Variants in ASB18 observed in about 807,000 individuals in gnomAD.
ASB18 encodes the protein ankyrin repeat and SOCS box containing 18.
In ASB18, 33 loss-of-function variants were observed where a neutral mutation model predicts 33.4. The observed-to-expected ratio is 0.99, with a 90% CI of 0.75 to 1.32. The LOEUF (loss-of-function observed/expected upper bound fraction) is 1.32, where lower values mean the gene tolerates loss of function less well. Among genes scored for constraint, ASB18 ranks in the 40% most tolerant of loss-of-function variants. ASB18 has a pLI of 0.00. For missense variants in ASB18, 694 were observed against 655.5 expected, an observed-to-expected ratio of 1.06 and a Z score of -0.64; for synonymous variants, 295 against 307.6, an observed-to-expected ratio of 0.96 and a Z score of 0.43.
intron 2 of ASB18, among the ~76,000 whole-genome samples, chr2:236,240,220 G>T (rs2060615227): frequency 6.6e-6 from 1 of 152,194 alleles, no homozygotes; most frequent in Non-Finnish European, 1.5e-5. Flanking sequence ...GCCCAGAAGG[G>T]GTCGGCTGCG....
Position 236,238,988 on chromosome 2 carries a change from C to G in ASB18, c.329-1032G>C, listed in dbSNP as rs1191497582. ...GCCGCCCTGAGTCCCCAAGGCCCAG[C>G]CTGGAGCTTGTTGTGCACTCAGTGG... On this transcript the variant is annotated intron_variant, in intron 2 of 5. Transcript: ENST00000409749. This position sits in a 1 kb window ranked among gnomAD's most constrained non-coding sequence, Gnocchi z 5.2. Among the ~76,000 whole-genome samples, 2 of 152,098 alleles carry G rather than the reference C, an allele frequency of 1.3e-5. No homozygotes were observed. Among genetic ancestry groups the G allele is most frequent in the Non-Finnish European group, 2.9e-5 (2 of 68,014 alleles).
At position 236,241,377 on chromosome 2, in the gene ASB18, G is replaced by A; in HGVS notation, c.231C>T (p.Leu77=). 4 of 1,613,988 alleles carry A rather than the reference G, an allele frequency of 2.5e-6. No homozygotes were observed. Among genetic ancestry groups the A allele is most frequent in the Non-Finnish European group, 3.4e-6 (4 of 1,179,868 alleles). ...LLGDLDHLKP[L]MDQFFQDANV... ...TGGCATCCTGGAAGAACTGGTCCAT[G>A]AGGGGCTTCAGATGGTCGAGGTCCC... The change falls in exon 2 of 6, where the codon CTC becomes CTT. Residue 77 remains leucine (L), a synonymous_variant. Transcript: ENST00000409749. The surrounding 1 kb of genome is among the most constrained non-coding windows in gnomAD (Gnocchi z 4.2).
intron 1 of ASB18, among the ~76,000 whole-genome samples, chr2:236,246,888 T>A (rs1197170703): frequency 3.9e-5 from 6 of 152,228 alleles, no homozygotes; most frequent in Non-Finnish European, 8.8e-5. Flanking sequence ...GACTTACTCA[T>A]GCACAGCTAT....
At chr2:236,258,455 C>T (rs1484002618) in intron 1 of ASB18, among the ~76,000 whole-genome samples, 1 of 152,208 alleles carries the variant, frequency 6.6e-6, no homozygotes, top group Non-Finnish European at 1.5e-5. Flanking sequence ...CAGTCCCTTG[C>T]CCTTCCCATT....
Position 236,194,790 on chromosome 2 carries a change from T to G in ASB18, c.*82A>C. The G allele has an allele frequency of 8.0e-7, 1 of 1,250,332 alleles. No individual in the cohort carries two copies. The highest frequency in any genetic ancestry group is 1.5e-5 in the South Asian group (1 of 66,300). The allele number at this position is 1,250,332 out of a possible 1,614,324, so 77.5% of individuals were successfully genotyped here. A position where few individuals can be genotyped will look rare whatever the true frequency, so the allele number is the denominator to read the frequency against. ...GAAGGGAACTCCCATCACCTCCATC[T>G]GCATCAGGGCACTCTCCAACACACG... On this transcript the variant is annotated 3_prime_UTR_variant, in exon 6 of 6. Coordinates refer to ENST00000409749, the MANE Select transcript of ASB18 (RefSeq NM_212556.4). This position sits in a 1 kb window ranked among gnomAD's most constrained non-coding sequence, Gnocchi z 4.5.
At position 236,211,386 on chromosome 2, in the gene ASB18, G is replaced by A. The variant is rs972218749; in HGVS notation, c.1101+2976C>T. ...ACTTTGATTCTCACTGCAGAGCACT[G>A]CGCCGGCTCGGAAGGATGCCCTGTG... On this transcript the variant is annotated intron_variant, in intron 4 of 5. Transcript: ENST00000409749. This position sits in a 1 kb window ranked among gnomAD's most constrained non-coding sequence, Gnocchi z 5.0. 3.3e-5 allele frequency among the ~76,000 whole-genome samples: 5 copies of A among 152,234 alleles called. No individual in the cohort carries two copies. Among genetic ancestry groups the A allele is most frequent in the Admixed American group, 3.3e-4 (5 of 15,286 alleles).
At position 236,262,300 on chromosome 2, in the gene ASB18, G is replaced by A. The variant is rs1228240468; in HGVS notation, c.205+1841C>T. ...CAGAAAGCAGATGGCATGAGCTCAGGGCATGCTGAAGGCAGGCCGGGTTAC... is the reference window on the plus strand; with the variant it reads ...CAGAAAGCAGATGGCATGAGCTCAGAGCATGCTGAAGGCAGGCCGGGTTAC... On this transcript the variant is annotated intron_variant, in intron 1 of 5. Transcript: ENST00000409749. This position sits in a 1 kb window ranked among gnomAD's most constrained non-coding sequence, Gnocchi z 5.2. 6.6e-6 allele frequency among the ~76,000 whole-genome samples: 1 copy of A among 152,192 alleles called. No individual in the cohort carries two copies. The highest frequency in any genetic ancestry group is 2.4e-5 in the African/African-American group (1 of 41,448).
chr2:236,213,119 A>C lies in ASB18; in HGVS notation c.1101+1243T>G, dbSNP rs2060466535. Among the ~76,000 whole-genome samples, 1 of 152,238 alleles carries C rather than the reference A, an allele frequency of 6.6e-6. No individual in the cohort carries two copies. The highest frequency in any genetic ancestry group is 2.4e-5 in the African/African-American group (1 of 41,458). On this transcript the variant is annotated intron_variant, in intron 4 of 5. Transcript: ENST00000409749. This position sits in a 1 kb window ranked among gnomAD's most constrained non-coding sequence, Gnocchi z 4.8. ...TAAAAGGTAGCTGTCACAGAACATA[A>C]AAATGCTAGCATTTCTTCCCTTTCA...
Position 236,244,313 on chromosome 2 carries a change from G to A in ASB18, c.206-2911C>T, listed in dbSNP as rs1446168390. Among the ~76,000 whole-genome samples the A allele has an allele frequency of 6.6e-6, 1 of 152,248 alleles. No homozygotes were observed. The highest frequency in any genetic ancestry group is 1.5e-5 in the Non-Finnish European group (1 of 68,042). On this transcript the variant is annotated intron_variant, in intron 1 of 5. Coordinates refer to ENST00000409749, the MANE Select transcript of ASB18 (RefSeq NM_212556.4). The surrounding 1 kb of genome is among the most constrained non-coding windows in gnomAD (Gnocchi z 6.1). The stretch of plus-strand genomic sequence containing the variant: ...GCCTGGATGAGCAGAGAGAAGAGCA[G>A]TGCAGTATGGGCCCAGGAGGGCTAA...
rs775806835 is a variant in ASB18, at chr2:236,245,804, T to C, written c.206-4402A>G. On this transcript the variant is annotated intron_variant, in intron 1 of 5. Transcript: ENST00000409749. The surrounding 1 kb of genome is among the most constrained non-coding windows in gnomAD (Gnocchi z 4.7). Reference sequence around the variant, plus strand: ...CGCATGGTGTTCCACACAGAGAAGGTCTTCAATGCCAACAGTGAAGAGAAC... The same window carrying C: ...CGCATGGTGTTCCACACAGAGAAGGCCTTCAATGCCAACAGTGAAGAGAAC... Among the ~76,000 whole-genome samples the C allele has an allele frequency of 6.6e-6, 1 of 152,202 alleles. No homozygotes were observed. Among genetic ancestry groups the C allele is most frequent in the Admixed American group, 6.5e-5 (1 of 15,278 alleles).
In ASB18 at chr2:236,222,357, A is replaced by G. The variant is rs553218168; in HGVS notation, c.597-7491T>C. ...GAAGAGAAACTGGTTGGCCATTTCT[A>G]TCATCACGGTTTCCCTTGGAGCAAT... On this transcript the variant is annotated intron_variant, in intron 3 of 5. Coordinates refer to ENST00000409749, the MANE Select transcript of ASB18 (RefSeq NM_212556.4). The surrounding 1 kb of genome is among the most constrained non-coding windows in gnomAD (Gnocchi z 5.5). Among the ~76,000 whole-genome samples the G allele has an allele frequency of 2.6e-5, 4 of 152,322 alleles. No individual in the cohort carries two copies. In the East Asian group the frequency reaches 5.8e-4, roughly 22 times the overall value.
Position 236,255,037 on chromosome 2 carries a change from C to T in ASB18, c.205+9104G>A, listed in dbSNP as rs949392650. ...CTGCCTGCTCCCCATTTGCGTTCCG[C>T]CGCGACTGAAAGCTTCCTGAAGTCT... On this transcript the variant is annotated intron_variant, in intron 1 of 5. Coordinates refer to ENST00000409749, the MANE Select transcript of ASB18 (RefSeq NM_212556.4). The surrounding 1 kb of genome is among the most constrained non-coding windows in gnomAD (Gnocchi z 4.4). Among the ~76,000 whole-genome samples, 6 of 152,212 alleles carry T rather than the reference C, an allele frequency of 3.9e-5. No homozygotes were observed. The highest frequency in any genetic ancestry group is 8.8e-5 in the Non-Finnish European group (6 of 68,044).
Position 236,193,860 on chromosome 2 carries a change from C to T in ASB18, c.*1012G>A, listed in dbSNP as rs1343108166. On this transcript the variant is annotated 3_prime_UTR_variant, in exon 6 of 6. Coordinates refer to ENST00000409749, the MANE Select transcript of ASB18 (RefSeq NM_212556.4). The surrounding 1 kb of genome is among the most constrained non-coding windows in gnomAD (Gnocchi z 5.0). ...TGGGTTTTCTCTGGGTGCTCCAGTT[C>T]CCACCCACATCCCAAAGCTGAGCAA... Among the ~76,000 whole-genome samples the T allele has an allele frequency of 6.6e-6, 1 of 152,164 alleles. No homozygotes were observed.
intron 4 of ASB18, among the ~76,000 whole-genome samples, chr2:236,206,448 A>T (rs2060434069): frequency 6.6e-6 from 1 of 152,206 alleles, no homozygotes; most frequent in Non-Finnish European, 1.5e-5. Context: ...TCTTGTGACC[A>T]TGAGGGAGGC....
rs1330368737 is a variant in ASB18 at position 236,200,857 on chromosome 2, A to G, written c.1102-4472T>C. ...TACTCCTTTTTTCAAGAAATCAGCTATTGGATTTTGTTGATCAGTTCTCTT... is the reference window on the plus strand; with the variant it reads ...TACTCCTTTTTTCAAGAAATCAGCTGTTGGATTTTGTTGATCAGTTCTCTT... On this transcript the variant is annotated intron_variant, in intron 4 of 5. Coordinates refer to ENST00000409749, the MANE Select transcript of ASB18 (RefSeq NM_212556.4). This position sits in a 1 kb window ranked among gnomAD's most constrained non-coding sequence, Gnocchi z 4.2. Among the ~76,000 whole-genome samples, 1 of 152,030 alleles carries G rather than the reference A, an allele frequency of 6.6e-6. No individual in the cohort carries two copies. Among genetic ancestry groups the G allele is most frequent in the Non-Finnish European group, 1.5e-5 (1 of 68,004 alleles).
rs1362852260 is a variant in ASB18 at position 236,257,616 on chromosome 2, T to C, written c.205+6525A>G. ...GGTTGTAGACAGCTTCACTGGGAAG[T>C]TTTTTCAGGGACGTTCCTGCAAAAT... On this transcript the variant is annotated intron_variant, in intron 1 of 5. Coordinates refer to ENST00000409749, the MANE Select transcript of ASB18 (RefSeq NM_212556.4). The surrounding 1 kb of genome is among the most constrained non-coding windows in gnomAD (Gnocchi z 5.5). Among the ~76,000 whole-genome samples, 1 of 152,082 alleles carries C rather than the reference T, an allele frequency of 6.6e-6. No homozygotes were observed. The highest frequency in any genetic ancestry group is 1.5e-5 in the Non-Finnish European group (1 of 68,018).
Position 236,209,758 on chromosome 2 carries a change from T to C in ASB18, c.1101+4604A>G, listed in dbSNP as rs2060450549. 6.6e-6 allele frequency among the ~76,000 whole-genome samples: 1 copy of C among 152,244 alleles called. No individual in the cohort carries two copies. ...TGAAAATGATGTAATCAACTCCCAA[T>C]ATTCCAAAGTCAGAGGCCCAGGCCC... On this transcript the variant is annotated intron_variant, in intron 4 of 5. Coordinates refer to ENST00000409749, the MANE Select transcript of ASB18 (RefSeq NM_212556.4). The surrounding 1 kb of genome is among the most constrained non-coding windows in gnomAD (Gnocchi z 4.4).
At position 236,237,780 on chromosome 2, in the gene ASB18, G is replaced by A. The variant is rs1378987705; in HGVS notation, c.505C>T (p.Arg169Cys). Residue 169 changes from arginine (R) to cysteine (C), a missense_variant, in exon 3 of 6, where the codon CGC becomes TGC. Physicochemically the swap from Arg to Cys is radical, Grantham distance 180. Coordinates refer to ENST00000409749, the MANE Select transcript of ASB18 (RefSeq NM_212556.4). The surrounding 1 kb of genome is among the most constrained non-coding windows in gnomAD (Gnocchi z 6.2). ...TCGGCGCGGTGCTGCAGCAGCAGGC[G>A]GACGCAGGCGGTGTGGCCCCCGAGG... The part of the protein sequence containing the change: ...ACLGGHTACV[R>C]LLLQHRADPD... 4 of 1,442,410 alleles carry A rather than the reference G, an allele frequency of 2.8e-6. No homozygotes were observed. The highest frequency in any genetic ancestry group is 3.0e-5 in the African/African-American group (2 of 67,390). 89.4% of individuals were successfully genotyped at this position (1,442,410 alleles called of 1,614,324 possible). A position where few individuals can be genotyped will look rare whatever the true frequency, so the allele number is the denominator to read the frequency against.
rs532464254 is a variant in ASB18, at chr2:236,238,218, G to T, written c.329-262C>A. 2.0e-5 allele frequency among the ~76,000 whole-genome samples: 3 copies of T among 151,312 alleles called. No homozygotes were observed. The highest frequency in any genetic ancestry group is 4.4e-5 in the Non-Finnish European group (3 of 67,992). ...AACCGAGCTAGAGAGATGGGGCGCC[G>T]GGTATTGAGAAGCAAGAGGATTTTG... On this transcript the variant is annotated intron_variant, in intron 2 of 5. Coordinates refer to ENST00000409749, the MANE Select transcript of ASB18 (RefSeq NM_212556.4). This position sits in a 1 kb window ranked among gnomAD's most constrained non-coding sequence, Gnocchi z 5.2.
Sources: allele counts gnomAD v4.1 joint callset (sites outside exome capture counted in the v4.1 genomes callset), GRCh38; gene constraint gnomAD v4.1.1; non-coding constraint Gnocchi (gnomAD v3.1); transcripts MANE v1.5; gene names NCBI Gene and HGNC (gene_info 2026-07-23, HGNC 2026-07-21).